The following SEMA3A variants were observed in gnomAD, a reference collection of about 807,000 sequenced individuals.
SEMA3A encodes the protein semaphorin-3A.
Under a neutral mutation model 97.9 loss-of-function variants are expected in SEMA3A, and 29 were observed. That is an observed-to-expected ratio of 0.30 (90% confidence interval 0.22 to 0.40). SEMA3A has a LOEUF of 0.40. Ranked by LOEUF, SEMA3A falls within the 10% of genes least tolerant of loss-of-function variation. The pLI is 1.00. For synonymous variants in SEMA3A, 321 were observed against 323.7 expected, an observed-to-expected ratio of 0.99 and a Z score of 0.09; for missense variants, 763 against 951.3, an observed-to-expected ratio of 0.80 and a Z score of 2.60.
chr7:84,393,705 C>T (rs1459161061), intron 1 of SEMA3A, among the ~76,000 whole-genome samples: 2 of 152,066 alleles, frequency 1.3e-5, no homozygotes, highest in South Asian at 4.1e-4. Context: ...GTAATACATG[C>T]TATTTAGATA....
chr7:84,095,170 ATCTC>A (rs959464131), intron 4 of SEMA3A, among the ~76,000 whole-genome samples: 3 of 144,036 alleles, frequency 2.1e-5, no homozygotes, highest in South Asian at 2.1e-4. Context: ...TATTGCACAT[ATCTC>A]TCTATATATT....
chr7:84,212,431 C>T (rs956684707), intron 3 of SEMA3A, among the ~76,000 whole-genome samples: 1 of 152,174 alleles, frequency 6.6e-6, no homozygotes, highest in African/African-American at 2.4e-5. Flanking sequence ...AGTGTTTTCA[C>T]AGTCCTCTAA....
At chr7:84,208,274 A>G (rs1325347865) in intron 3 of SEMA3A, among the ~76,000 whole-genome samples, 1 of 152,068 alleles carries the variant, frequency 6.6e-6, no homozygotes, top group Non-Finnish European at 1.5e-5. Flanking sequence ...AACATGGTGA[A>G]ACCCCGCCTC....
chr7:84,259,572 T>G (rs900484931), intron 3 of SEMA3A, among the ~76,000 whole-genome samples: 5 of 152,042 alleles, frequency 3.3e-5, no homozygotes, highest in African/African-American at 4.8e-5. Context: ...AAATAATTAT[T>G]ATGTAATTTT....
intron 1 of SEMA3A, among the ~76,000 whole-genome samples, chr7:84,465,251 G>A (rs1805959537): frequency 6.6e-6 from 1 of 152,068 alleles, no homozygotes; most frequent in Admixed American, 6.6e-5. Flanking sequence ...GGGAATAGCA[G>A]GATCTTCAAA....
intron 6 of SEMA3A, among the ~76,000 whole-genome samples, chr7:84,020,979 C>A (rs1791307652): frequency 6.6e-6 from 1 of 152,126 alleles, no homozygotes; most frequent in African/African-American, 2.4e-5. Flanking sequence ...ACCAAAAAGA[C>A]AAAACTGATG....
chr7:84,085,907 C>T (rs1465384620), intron 4 of SEMA3A, among the ~76,000 whole-genome samples: 2 of 152,092 alleles, frequency 1.3e-5, no homozygotes, highest in South Asian at 2.1e-4. Flanking sequence ...TACAACTGAA[C>T]CTTAAATATA....
At chr7:84,023,362 A>G (rs1315953243) in intron 6 of SEMA3A, among the ~76,000 whole-genome samples, 1 of 152,194 alleles carries the variant, frequency 6.6e-6, no homozygotes, top group Non-Finnish European at 1.5e-5. Context: ...AAAGGACAAG[A>G]ACAAAAATAT....
intron 3 of SEMA3A, among the ~76,000 whole-genome samples, chr7:84,251,395 C>T (rs1799605792): frequency 6.6e-6 from 1 of 152,122 alleles, no homozygotes; most frequent in African/African-American, 2.4e-5. Context: ...CAAGAGTGTG[C>T]TTCCAAGTGG....
At chr7:83,970,037 T>A (rs1395438180) in intron 15 of SEMA3A, among the ~76,000 whole-genome samples, 2 of 152,216 alleles carry the variant, frequency 1.3e-5, no homozygotes, top group African/African-American at 2.4e-5. Context: ...AAGAAGGGTA[T>A]CCTTGTTAAA....
rs1554341526 is a variant in SEMA3A, at chr7:84,181,339, T to TATAA, written c.112+13135_112+13136insTTAT. Among the ~76,000 whole-genome samples the TATAA allele has an allele frequency of 7.6e-4, 113 of 147,858 alleles. No homozygotes were observed. The Middle Eastern group carries it at 0.011, about 14-fold the overall frequency. On this transcript the variant is annotated intron_variant, in intron 1 of 16. Coordinates refer to ENST00000265362, the MANE Select transcript of SEMA3A (RefSeq NM_006080.3). The stretch of plus-strand genomic sequence containing the variant: ...TTACAAATATATATATATATATATA[T>TATAA]AACACACATATACATGAGTAGAAAG...
At chr7:84,467,896 T>G (rs1188049395) in intron 1 of SEMA3A, among the ~76,000 whole-genome samples, 1 of 152,208 alleles carries the variant, frequency 6.6e-6, no homozygotes, top group Non-Finnish European at 1.5e-5. Flanking sequence ...AGTATTTTTA[T>G]ATTTTCTAAT....
At chr7:84,219,870 C>T (rs1798837114) in intron 3 of SEMA3A, among the ~76,000 whole-genome samples, 1 of 152,100 alleles carries the variant, frequency 6.6e-6, no homozygotes, top group African/African-American at 2.4e-5. Context: ...AGCTCTTTTT[C>T]TGGTGAAGGG....
intron 1 of SEMA3A, among the ~76,000 whole-genome samples, chr7:84,439,662 G>T (rs768602330): frequency 5.9e-5 from 9 of 152,102 alleles, no homozygotes; most frequent in Non-Finnish European, 1.0e-4. Flanking sequence ...GCTATAAAAA[G>T]CTTGCTTAAG....
intron 4 of SEMA3A, among the ~76,000 whole-genome samples, chr7:84,101,669 C>G (rs1394229265): frequency 6.6e-6 from 1 of 152,028 alleles, no homozygotes; most frequent in East Asian, 1.9e-4. Flanking sequence ...TTATCATAAG[C>G]AACAATATTG....
At chr7:84,182,423 TG>T (rs1797761311) in intron 1 of SEMA3A, among the ~76,000 whole-genome samples, 1 of 152,140 alleles carries the variant, frequency 6.6e-6, no homozygotes, top group African/African-American at 2.4e-5. Context: ...AGTCATTTCC[TG>T]GTTATTTTTA....
chr7:84,218,079 A>C (rs1012841261), intron 3 of SEMA3A, among the ~76,000 whole-genome samples: 4 of 152,198 alleles, frequency 2.6e-5, no homozygotes, highest in African/African-American at 9.6e-5. Context: ...TTTTTTGTAT[A>C]ATTTAATATA....
chr7:84,239,419 A>G (rs985640550), intron 3 of SEMA3A, among the ~76,000 whole-genome samples: 1 of 152,198 alleles, frequency 6.6e-6, no homozygotes, highest in African/African-American at 2.4e-5. Flanking sequence ...GCCAAGTGGC[A>G]TACTCATTTT....
chr7:84,413,349 C>T (rs544080929), intron 1 of SEMA3A, among the ~76,000 whole-genome samples: 4 of 152,084 alleles, frequency 2.6e-5, no homozygotes, highest in Non-Finnish European at 5.9e-5. Context: ...GAAAGCAGGC[C>T]GAGTGTGGTG....
Sources: allele counts gnomAD v4.1 joint callset (sites outside exome capture counted in the v4.1 genomes callset), GRCh38; gene constraint gnomAD v4.1.1; transcripts MANE v1.5; gene names NCBI Gene and HGNC (gene_info 2026-07-23, HGNC 2026-07-21).